The following SOAT1 variants were observed in gnomAD, a reference collection of about 807,000 sequenced individuals.
SOAT1 encodes the protein acyl-coenzyme A:cholesterol acyltransferase 1.
Under a neutral mutation model 69.5 loss-of-function variants are expected in SOAT1, and 55 were observed. The observed-to-expected ratio is 0.79, with a 90% CI of 0.64 to 0.99. SOAT1 has a LOEUF of 0.99. Among genes scored for constraint, SOAT1 ranks in the 50% least tolerant of loss-of-function variants. The probability of loss-of-function intolerance (pLI) is 0.00; values close to 1 mark genes in which losing one functional copy is unlikely to be tolerated. For synonymous variants in SOAT1, 231 were observed against 224.7 expected (o/e 1.03, Z -0.25); for missense variants, 580 against 669.3 (o/e 0.87, Z 1.47).
intron 3 of SOAT1, among the ~76,000 whole-genome samples, chr1:179,332,202 A>C (rs1558050356): frequency 6.6e-6 from 1 of 152,238 alleles, no homozygotes; most frequent in Non-Finnish European, 1.5e-5. Context: ...TAGAAGAGTT[A>C]TCTTTCTAAG....
intron 5 of SOAT1, among the ~76,000 whole-genome samples, chr1:179,338,852 T>C (rs1343247498): frequency 6.6e-6 from 1 of 152,134 alleles, no homozygotes; most frequent in Non-Finnish European, 1.5e-5. Context: ...AGTAGTAGTA[T>C]ATTAGATTAC....
intron 2 of SOAT1, among the ~76,000 whole-genome samples, chr1:179,309,867 ATTT>A (rs66503219): frequency 0.21 from 31,454 of 151,756 alleles, 3,611 homozygotes; most frequent in East Asian, 0.46. Context: ...AATTGTTATA[ATTT>A]TTTTTTTGTT....
At chr1:179,320,592 A>C (rs1175270825) in intron 2 of SOAT1, among the ~76,000 whole-genome samples, 1 of 152,210 alleles carries the variant, frequency 6.6e-6, no homozygotes, top group African/African-American at 2.4e-5. Flanking sequence ...GCACTGCCAT[A>C]TTAACAATAT....
intron 1 of SOAT1, among the ~76,000 whole-genome samples, chr1:179,294,699 T>G (rs1664570022): frequency 6.6e-6 from 1 of 152,116 alleles, no homozygotes; most frequent in African/African-American, 2.4e-5. Context: ...GCCCAGGTAA[T>G]TTTTGTAGTT....
intron 2 of SOAT1, among the ~76,000 whole-genome samples, chr1:179,314,207 C>T (rs1258948867): frequency 1.3e-5 from 2 of 152,176 alleles, no homozygotes; most frequent in Non-Finnish European, 2.9e-5. Context: ...CTGTATTGTC[C>T]TTTTCCCTAT....
At chr1:179,328,813 G>T (rs904443116) in intron 3 of SOAT1, among the ~76,000 whole-genome samples, 1 of 152,090 alleles carries the variant, frequency 6.6e-6, no homozygotes, top group African/African-American at 2.4e-5. Flanking sequence ...GGAGGCCAAG[G>T]TAGGCAGATC....
At chr1:179,300,501 A>G (rs1451722371) in intron 1 of SOAT1, among the ~76,000 whole-genome samples, 4 of 152,180 alleles carry the variant, frequency 2.6e-5, no homozygotes, top group Non-Finnish European at 4.4e-5. Context: ...CTGCTGTTCC[A>G]CAATTGTTTC....
intron 6 of SOAT1, among the ~76,000 whole-genome samples, chr1:179,340,820 G>GATATATATATAT (rs67855683): frequency 3.4e-5 from 5 of 147,248 alleles, no homozygotes; most frequent in African/African-American, 1.0e-4. Flanking sequence ...ATATATTGTT[G>GATATATATATAT]ATATATATAT....
intron 2 of SOAT1, 135 bp from the exon 3 acceptor site, chr1:179,323,302 C>A: frequency 1.6e-6 from 1 of 617,332 alleles, no homozygotes; most frequent in South Asian, 2.3e-5. Flanking sequence ...TTTGACCATG[C>A]TGTCGTGTTT....
chr1:179,298,151 T>C (rs2493120), intron 1 of SOAT1, among the ~76,000 whole-genome samples: 117,970 of 151,786 alleles, frequency 0.78, 46,004 homozygotes, highest in East Asian at 0.97. Flanking sequence ...ATGGTGTGAT[T>C]GAGGTTCACT....
chr1:179,331,864 C>T (rs1665987643), intron 3 of SOAT1, among the ~76,000 whole-genome samples: 1 of 152,052 alleles, frequency 6.6e-6, no homozygotes, highest in Non-Finnish European at 1.5e-5. Flanking sequence ...GGTACCATGC[C>T]ACCAAGATTA....
rs573470742 is a variant in SOAT1, at chr1:179,299,834, A to G, written c.-8-2843A>G. On this transcript the variant is annotated intron_variant, in intron 1 of 15. Transcript: ENST00000367619. ...AGTGGTGTGATCTCAGCTCACTGCA[A>G]GCTCCGCCTCCTGGGTTCATGCCAT... is the stretch of plus-strand genomic sequence containing the variant. 3.0e-5 allele frequency among the ~76,000 whole-genome samples: 4 copies of G among 133,152 alleles called. No individual in the cohort carries two copies. In the South Asian group the frequency reaches 9.6e-4, roughly 32 times the overall value. The allele number at this position is 133,152 out of a possible 152,430, so 87.4% of individuals were successfully genotyped here.
intron 4 of SOAT1, among the ~76,000 whole-genome samples, chr1:179,336,297 T>C (rs1378382357): frequency 6.6e-6 from 1 of 151,538 alleles, no homozygotes; most frequent in Non-Finnish European, 1.5e-5. Flanking sequence ...ACCCCATCTC[T>C]ACCAAAAATA....
rs1665487012 is a variant in SOAT1, at chr1:179,318,758, T to G, written c.119-4679T>G. The stretch of plus-strand genomic sequence containing the variant: ...CTTCCTCTTTTCACTTGGCAAAATG[T>G]TTACGTTTCACCCATATTATAGCAT... On this transcript the variant is annotated intron_variant, in intron 2 of 15. Coordinates refer to ENST00000367619, the MANE Select transcript of SOAT1 (RefSeq NM_003101.6). Among the ~76,000 whole-genome samples the G allele has an allele frequency of 2.0e-5, 3 of 152,224 alleles. No homozygotes were observed. The South Asian group carries it at 6.2e-4, about 31-fold the overall frequency.
intron 5 of SOAT1, 140 bp from the exon 6 acceptor site, chr1:179,339,298 A>G: frequency 4.0e-6 from 2 of 499,830 alleles, no homozygotes; most frequent in South Asian, 3.8e-5. Context: ...AATGTAGACC[A>G]TTCTTTTTTG....
rs189426656 is a variant in SOAT1 at position 179,315,471 on chromosome 1, A to T, written c.119-7966A>T. ...AGCAACAGAGTGAGAACCTGTCTTA[A>T]AAAAAAAAAAGCAGTGGATATTAGC... is the stretch of plus-strand genomic sequence containing the variant. On this transcript the variant is annotated intron_variant, in intron 2 of 15. Coordinates refer to ENST00000367619, the MANE Select transcript of SOAT1 (RefSeq NM_003101.6). Among the ~76,000 whole-genome samples, 1,037 of 147,256 alleles carry T rather than the reference A, an allele frequency of 7.0e-3. 5 individuals carry two copies. Among genetic ancestry groups the T allele is most frequent in the South Asian group, 0.01 (49 of 4,680 alleles).
intron 3 of SOAT1, among the ~76,000 whole-genome samples, chr1:179,324,041 T>G (rs1006024610): frequency 3.3e-5 from 5 of 152,168 alleles, no homozygotes; most frequent in Non-Finnish European, 5.9e-5. Context: ...TGACTTAAAA[T>G]CCAAAGCAAA....
At chr1:179,316,211 C>T (rs554540299) in intron 2 of SOAT1, among the ~76,000 whole-genome samples, 2 of 152,304 alleles carry the variant, frequency 1.3e-5, no homozygotes, top group South Asian at 4.1e-4. Flanking sequence ...TCTTCCCAGT[C>T]ATCAATTCTG....
chr1:179,335,676 C>A lies in SOAT1; in HGVS notation c.329+19C>A. On this transcript the variant is annotated intron_variant, in intron 4 of 15. Coordinates refer to ENST00000367619, the MANE Select transcript of SOAT1 (RefSeq NM_003101.6). ...GAGCGAAGTAAGTATGTGCTATTTT[C>A]TTTTAATGCAAACATCTACTCAGTA... 2.5e-6 allele frequency: 4 copies of A among 1,602,860 alleles called. No individual in the cohort carries two copies. Among genetic ancestry groups the A allele is most frequent in the South Asian group, 1.1e-5 (1 of 88,944 alleles).
Sources: gnomAD v4.1 joint callset for allele counts (sites outside exome capture counted in the v4.1 genomes callset) on GRCh38, gnomAD v4.1.1 for gene constraint, MANE v1.5 for transcripts, NCBI Gene and HGNC (gene_info 2026-07-23, HGNC 2026-07-21) for gene names.